Variants in PARD3B observed in about 807,000 individuals in gnomAD.
PARD3B encodes par-3 family cell polarity regulator beta.
PARD3B carries 103 observed loss-of-function variants against 130.2 expected under a neutral mutation model. That is an observed-to-expected ratio of 0.79 (90% CI 0.67 to 0.93). The LOEUF (loss-of-function observed/expected upper bound fraction) is 0.93. PARD3B is among the 40% of genes least tolerant of loss of function. The pLI, the probability that PARD3B is intolerant of heterozygous loss-of-function variation, is 0.00. For synonymous variants in PARD3B, 583 were observed against 553.2 expected, an observed-to-expected ratio of 1.05 and a Z score of -0.76; for missense variants, 1,609 against 1,499.2, an observed-to-expected ratio of 1.07 and a Z score of -1.21.
chr2:204,775,207 C>T (rs527805446), intron 2 of PARD3B, among the ~76,000 whole-genome samples: 2 of 152,162 alleles, frequency 1.3e-5, no homozygotes, highest in East Asian at 1.9e-4. Flanking sequence ...TCGTATAATA[C>T]GTGAGCAATC....
In PARD3B at chr2:205,405,669, C is replaced by A. The variant is rs1247191437; in HGVS notation, c.2741+4546C>A. Reference sequence around the variant, plus strand: ...GAGCATCGGCGTTAGTGATGGTGACCCGTTGATCAGATTGTGGTTGCCACA... The same window carrying A: ...GAGCATCGGCGTTAGTGATGGTGACACGTTGATCAGATTGTGGTTGCCACA... On this transcript the variant is annotated intron_variant, in intron 19 of 22. Coordinates refer to ENST00000406610, the MANE Select transcript of PARD3B (RefSeq NM_001302769.2). The surrounding 1 kb of genome is among the most constrained non-coding windows in gnomAD (Gnocchi z 4.1). 6.6e-6 allele frequency among the ~76,000 whole-genome samples: 1 copy of A among 152,048 alleles called. No homozygotes were observed. Among genetic ancestry groups the A allele is most frequent in the African/African-American group, 2.4e-5 (1 of 41,396 alleles).
intron 21 of PARD3B, among the ~76,000 whole-genome samples, chr2:205,517,364 A>G (rs1051248320): frequency 1.2e-4 from 19 of 152,068 alleles, no homozygotes; most frequent in African/African-American, 4.6e-4. Context: ...GTTTGTGTAC[A>G]TAGAGGTGTT....
rs550207526 is a variant in PARD3B, at chr2:204,998,728, TTGAG to T, written c.394+33407_394+33410del. On this transcript the variant is annotated intron_variant, in intron 3 of 22. Transcript: ENST00000406610. ...CTATTAATATGATATATTGTATTGATTGAGTAATTATAGTTTCGCAGTGTTGCCA... is the reference window on the plus strand; with the variant it reads ...CTATTAATATGATATATTGTATTGATTAATTATAGTTTCGCAGTGTTGCCA... Among the ~76,000 whole-genome samples, 14 of 152,140 alleles carry T rather than the reference TTGAG, an allele frequency of 9.2e-5. No individual in the cohort carries two copies. The South Asian group carries it at 1.2e-3, about 14-fold the overall frequency.
intron 22 of PARD3B, among the ~76,000 whole-genome samples, chr2:205,611,254 C>T (rs972453830): frequency 9.2e-5 from 14 of 152,180 alleles, no homozygotes; most frequent in Non-Finnish European, 1.9e-4. Flanking sequence ...TCATTCCTAG[C>T]AAGAGGTTTG....
chr2:205,050,508 A>G (rs953729171), intron 4 of PARD3B, among the ~76,000 whole-genome samples: 1 of 152,068 alleles, frequency 6.6e-6, no homozygotes, highest in Non-Finnish European at 1.5e-5. Context: ...ACATGTGGCT[A>G]TTGAGCTCTT....
rs552701489 is a variant in PARD3B at position 205,059,903 on chromosome 2, C to T, written c.504+12213C>T. Among the ~76,000 whole-genome samples, 17 of 152,156 alleles carry T rather than the reference C, an allele frequency of 1.1e-4. No individual in the cohort carries two copies. In the East Asian group the frequency reaches 3.1e-3, roughly 28 times the overall value. On this transcript the variant is annotated intron_variant, in intron 4 of 22. Transcript: ENST00000406610. ...ATTCCAAGTTCATGTCAGTCGTGGA[C>T]ACTTAATTATTAATATATGTGTTCA... is the stretch of plus-strand genomic sequence containing the variant.
chr2:204,791,997 A>G (rs1197202989), intron 2 of PARD3B, among the ~76,000 whole-genome samples: 1 of 152,200 alleles, frequency 6.6e-6, no homozygotes, highest in Non-Finnish European at 1.5e-5. Flanking sequence ...TCTAAAATTT[A>G]TTTTTATCAC....
At chr2:204,674,123 G>A (rs2125215336) in intron 1 of PARD3B, among the ~76,000 whole-genome samples, 1 of 152,310 alleles carries the variant, frequency 6.6e-6, no homozygotes, top group East Asian at 1.9e-4. Context: ...GGATATGGAA[G>A]TGAGTAAGAT....
In PARD3B at chr2:205,368,689, G is replaced by C. The variant is rs144684171; in HGVS notation, c.2631-32324G>C. Reference sequence around the variant, plus strand: ...TAAAAGAATAGACAATCCCCTATTGGCAGGTACAAAACTAACGTTATCATT... The same window carrying C: ...TAAAAGAATAGACAATCCCCTATTGCCAGGTACAAAACTAACGTTATCATT... On this transcript the variant is annotated intron_variant, in intron 18 of 22. Coordinates refer to ENST00000406610, the MANE Select transcript of PARD3B (RefSeq NM_001302769.2). 3.3e-5 allele frequency among the ~76,000 whole-genome samples: 5 copies of C among 152,094 alleles called. No individual in the cohort carries two copies. In the East Asian group the frequency reaches 9.7e-4, roughly 29 times the overall value.
rs530782288 is a variant in PARD3B at position 204,659,555 on chromosome 2, A to G, written c.121-26626A>G. 2.0e-5 allele frequency among the ~76,000 whole-genome samples: 3 copies of G among 152,224 alleles called. No homozygotes were observed. The South Asian group carries it at 6.2e-4, about 32-fold the overall frequency. ...CGTGGCTCAGATCCAGTTGATTACCATTACACTGGAATGCAGGCCCACTTT... is the reference window on the plus strand; with the variant it reads ...CGTGGCTCAGATCCAGTTGATTACCGTTACACTGGAATGCAGGCCCACTTT... On this transcript the variant is annotated intron_variant, in intron 1 of 22. Transcript: ENST00000406610.
In PARD3B at chr2:204,713,373, TC is replaced by T. The variant is rs924840222; in HGVS notation, c.222+27094del. Among the ~76,000 whole-genome samples the T allele has an allele frequency of 4.5e-4, 66 of 145,168 alleles. No individual in the cohort carries two copies. The Middle Eastern group carries it at 0.014, about 30-fold the overall frequency. On this transcript the variant is annotated intron_variant, in intron 2 of 22. Coordinates refer to ENST00000406610, the MANE Select transcript of PARD3B (RefSeq NM_001302769.2). ...TAAATTTTATGGTATGTCCATTTCATCCCAATAAAAAAATAGGTTTATTGGG... is the reference window on the plus strand; with the variant it reads ...TAAATTTTATGGTATGTCCATTTCATCCAATAAAAAAATAGGTTTATTGGG...
chr2:205,208,774 C>A (rs1220396800), intron 15 of PARD3B, among the ~76,000 whole-genome samples: 2 of 145,118 alleles, frequency 1.4e-5, no homozygotes, highest in Non-Finnish European at 3.0e-5. Context: ...CAATCAATAT[C>A]GTGAAAATGG....
intron 2 of PARD3B, among the ~76,000 whole-genome samples, chr2:204,776,635 G>A (rs1239193885): frequency 6.6e-6 from 1 of 151,584 alleles, no homozygotes; most frequent in Non-Finnish European, 1.5e-5. Flanking sequence ...GTAAAACTTT[G>A]CCTTTTGTAT....
At chr2:205,478,730 C>G (rs1207760843) in intron 20 of PARD3B, among the ~76,000 whole-genome samples, 1 of 152,144 alleles carries the variant, frequency 6.6e-6, no homozygotes, top group Non-Finnish European at 1.5e-5. Flanking sequence ...TAATTCAAAG[C>G]TAAAGGTCAG....
chr2:205,379,626 AT>A (rs1321030061), intron 18 of PARD3B, among the ~76,000 whole-genome samples: 1 of 152,166 alleles, frequency 6.6e-6, no homozygotes, highest in Non-Finnish European at 1.5e-5. Flanking sequence ...AAATTCACTA[AT>A]TAGCAAAATT....
Position 204,935,339 on chromosome 2 carries a change from C to T in PARD3B, c.223-29813C>T, listed in dbSNP as rs555140544. Among the ~76,000 whole-genome samples, 34 of 146,084 alleles carry T rather than the reference C, an allele frequency of 2.3e-4. No homozygotes were observed. The East Asian group carries it at 6.6e-3, about 28-fold the overall frequency. ...GGTCAGGAGATCAAGACCATCCTGG[C>T]TAACACGGTGAAACCCTGTCTCTAC... On this transcript the variant is annotated intron_variant, in intron 2 of 22. Transcript: ENST00000406610.
chr2:204,556,274 G>A (rs1233126881), intron 1 of PARD3B, among the ~76,000 whole-genome samples: 1 of 152,162 alleles, frequency 6.6e-6, no homozygotes, highest in Non-Finnish European at 1.5e-5. Flanking sequence ...AAGTCTCTGT[G>A]TGATGTTTTC....
rs552533566 is a variant in PARD3B, at chr2:204,936,715, G to C, written c.223-28437G>C. Among the ~76,000 whole-genome samples the C allele has an allele frequency of 2.0e-5, 3 of 152,254 alleles. No individual in the cohort carries two copies. The East Asian group carries it at 5.8e-4, about 29-fold the overall frequency. ...ACCACTGTCATATCCTCATATTCTT[G>C]TTTTAATATGAGTTTAGTGAATACA... On this transcript the variant is annotated intron_variant, in intron 2 of 22. Coordinates refer to ENST00000406610, the MANE Select transcript of PARD3B (RefSeq NM_001302769.2).
chr2:205,488,262 CGGGGGGTGTT>C (rs2049524758), intron 20 of PARD3B, among the ~76,000 whole-genome samples: 1 of 147,882 alleles, frequency 6.8e-6, no homozygotes, highest in African/African-American at 2.5e-5. Flanking sequence ...TTCCACAGGG[CGGGGGGTGTT>C]GGGGGTTGGG....
Sources: gnomAD v4.1 joint callset for allele counts (sites outside exome capture counted in the v4.1 genomes callset) on GRCh38, gnomAD v4.1.1 for gene constraint, Gnocchi (gnomAD v3.1) non-coding constraint, MANE v1.5 for transcripts, NCBI Gene and HGNC (gene_info 2026-07-23, HGNC 2026-07-21) for gene names.